JAKMIP3: variants seen among roughly 807,000 people sequenced by gnomAD.
JAKMIP3 encodes the protein Janus kinase and microtubule interacting protein 3.
In JAKMIP3, 58 loss-of-function variants were observed where a neutral mutation model predicts 118.5. The observed-to-expected ratio is 0.49, with a 90% CI of 0.40 to 0.61. The LOEUF is 0.61. Among genes scored for constraint, JAKMIP3 ranks in the 20% least tolerant of loss-of-function variants. The probability of loss-of-function intolerance (pLI) is 0.00; values close to 1 mark genes in which losing one functional copy is unlikely to be tolerated. For missense variants in JAKMIP3, 950 were observed against 1,109.0 expected (o/e 0.86, Z 2.04); for synonymous variants, 486 against 451.2 (o/e 1.08, Z -0.98).
intron 1 of JAKMIP3, among the ~76,000 whole-genome samples, chr10:132,092,154 T>A (rs1260033291): frequency 2.0e-5 from 3 of 152,292 alleles, no homozygotes; most frequent in African/African-American, 4.8e-5. Flanking sequence ...TCTGATGGGC[T>A]TCCCTTTGTG....
chr10:132,042,184 C>CTCCTTCCTTCCTTCCTTCCTTCCT (rs58374693), intron 1 of JAKMIP3, among the ~76,000 whole-genome samples: 3,109 of 132,130 alleles, frequency 0.024, 74 homozygotes, highest in Middle Eastern at 0.056. Context: ...TGCTCGCTCG[C>CTCCTTCCTTCCTTCCTTCCTTCCT]TCCTTCCTTC....
At chr10:132,133,286 G>A (rs1325015920) in intron 3 of JAKMIP3, 26 bp from the exon 4 acceptor site, 3 of 1,538,598 alleles carry the variant, frequency 1.9e-6, no homozygotes, top group Non-Finnish European at 1.8e-6. Flanking sequence ...TGCCGCCTGT[G>A]TGATTGTGTT....
At chr10:132,134,497 C>T (rs1316228848) in intron 4 of JAKMIP3, among the ~76,000 whole-genome samples, 1 of 152,208 alleles carries the variant, frequency 6.6e-6, no homozygotes, top group Non-Finnish European at 1.5e-5. Context: ...TCCCAGGGGT[C>T]CCAAAAGCGG....
At chr10:132,148,310 C>T (rs1397350865) in intron 14 of JAKMIP3, among the ~76,000 whole-genome samples, 2 of 152,128 alleles carry the variant, frequency 1.3e-5, no homozygotes, top group African/African-American at 2.4e-5. Flanking sequence ...TGAGGCCAGC[C>T]GCCCAAAGCA....
At chr10:132,051,058 G>T (rs1038363899) in intron 1 of JAKMIP3, among the ~76,000 whole-genome samples, 2 of 150,648 alleles carry the variant, frequency 1.3e-5, no homozygotes, top group Non-Finnish European at 2.9e-5. Context: ...AGCCGTTCTG[G>T]TTGGGGGGTA....
chr10:132,127,501 C>T (rs11146200), intron 3 of JAKMIP3, among the ~76,000 whole-genome samples: 7,157 of 152,068 alleles, frequency 0.047, 298 homozygotes, highest in African/African-American at 0.1. Context: ...TTGATCCACC[C>T]GCCTCAGCCT....
At chr10:132,106,732 G>A (rs2045971667) in intron 2 of JAKMIP3, among the ~76,000 whole-genome samples, 1 of 152,220 alleles carries the variant, frequency 6.6e-6, no homozygotes, top group African/African-American at 2.4e-5. Flanking sequence ...TCAAAAAATG[G>A]GGAGTTGCCC....
chr10:132,076,331 G>A (rs554842693), intron 1 of JAKMIP3, among the ~76,000 whole-genome samples: 10 of 152,328 alleles, frequency 6.6e-5, no homozygotes, highest in Admixed American at 5.2e-4. Context: ...TGTCATATGC[G>A]TTAGGATTTC....
chr10:132,129,876 T>A (rs1236114166), intron 3 of JAKMIP3, among the ~76,000 whole-genome samples: 1 of 15,916 alleles, frequency 6.3e-5, no homozygotes, highest in African/African-American at 7.5e-4. Context: ...CATCAGTACC[T>A]TTTTTTTTTT....
At chr10:132,097,751 GTT>G (rs71010000) in intron 1 of JAKMIP3, among the ~76,000 whole-genome samples, 4,929 of 146,872 alleles carry the variant, frequency 0.034, 126 homozygotes, top group South Asian at 0.14. Context: ...CAAACTAAAA[GTT>G]TTTTTTTTTT....
At chr10:132,058,844 A>G (rs1031348351) in intron 1 of JAKMIP3, among the ~76,000 whole-genome samples, 4 of 152,254 alleles carry the variant, frequency 2.6e-5, no homozygotes, top group Admixed American at 6.5e-5. Context: ...TAATCCCATC[A>G]TAAGGTCGAA....
At chr10:132,108,976 T>TACGCAAATGTATATATACATATAC (rs771079201) in intron 2 of JAKMIP3, among the ~76,000 whole-genome samples, 19,188 of 129,762 alleles carry the variant, frequency 0.15, 2,684 homozygotes, top group African/African-American at 0.22. Flanking sequence ...ATAAATTATA[T>TACGCAAATGTATATATACATATAC]ACGCAAATGT....
intron 3 of JAKMIP3, among the ~76,000 whole-genome samples, chr10:132,132,359 C>T (rs924281024): frequency 2.6e-5 from 4 of 152,196 alleles, no homozygotes; most frequent in South Asian, 2.1e-4. Context: ...AATCTAGTGC[C>T]GTGGAAAATG....
chr10:132,153,633 C>A, intron 17 of JAKMIP3, 126 bp from the exon 18 acceptor site: 1 of 904,252 alleles, frequency 1.1e-6, no homozygotes, highest in Non-Finnish European at 1.8e-6. Flanking sequence ...GAGGGCTGTG[C>A]TCTCCCCTCC....
chr10:132,148,105 C>T lies in JAKMIP3; in HGVS notation c.1848+55C>T, dbSNP rs2055008163. ...CTGTGGCTGTGTCAGGGATCTAGTC[C>T]TCAGCCTTCCTAACCCACACAAAGC... On this transcript the variant is annotated intron_variant, in intron 14 of 23. Coordinates refer to ENST00000684848, the MANE Select transcript of JAKMIP3 (RefSeq NM_001323087.2). 3.7e-6 allele frequency: 4 copies of T among 1,092,216 alleles called. No homozygotes were observed. In the South Asian group the frequency reaches 4.0e-5, roughly 11 times the overall value. 67.7% of individuals were successfully genotyped at this position (1,092,216 alleles called of 1,614,324 possible).
intron 23 of JAKMIP3, among the ~76,000 whole-genome samples, chr10:132,172,551 G>T (rs1323030851): frequency 1.3e-5 from 2 of 152,000 alleles, no homozygotes; most frequent in Non-Finnish European, 2.9e-5. Flanking sequence ...TTCCTATAGA[G>T]AAGACCTGCC....
chr10:132,173,029 TTCCCTCTCTCTC>T (rs1565005323), intron 23 of JAKMIP3, among the ~76,000 whole-genome samples: 2 of 5,112 alleles, frequency 3.9e-4, no homozygotes, highest in African/African-American at 1.9e-3. Context: ...CTCTCTCTCC[TTCCCTCTCTCTC>T]TCCCTCTCTC....
chr10:132,180,681 G>C (rs986354153), intron 23 of JAKMIP3, among the ~76,000 whole-genome samples: 1 of 18,688 alleles, frequency 5.4e-5, no homozygotes, highest in South Asian at 1.8e-3. Flanking sequence ...GTGTGCGCGC[G>C]CGTGTGTGTG....
In JAKMIP3 at chr10:132,180,604, CGTGTGTGT is replaced by C. The variant is rs1184491325; in HGVS notation, c.*1104-1749_*1104-1742del. On this transcript the variant is annotated intron_variant, in intron 23 of 23. Transcript: ENST00000684848. ...GCGTGCGCGTGTGTGTGTGCGTGCG[CGTGTGTGT>C]GTGCGTGTGTGTGCGTGTGTGCGTG... Among the ~76,000 whole-genome samples the C allele has an allele frequency of 2.8e-3, 33 of 11,986 alleles. 13 individuals are homozygous for C. The highest frequency in any genetic ancestry group is 5.9e-3 in the Admixed American group (6 of 1,022). 7.9% of individuals were successfully genotyped at this position (11,986 alleles called of 152,430 possible).
Sources: gnomAD v4.1 joint callset for allele counts (sites outside exome capture counted in the v4.1 genomes callset) on GRCh38, gnomAD v4.1.1 for gene constraint, MANE v1.5 for transcripts, NCBI Gene and HGNC (gene_info 2026-07-23, HGNC 2026-07-21) for gene names.